The following UNC13C variants were observed in gnomAD, a reference collection of about 807,000 sequenced individuals.
UNC13C encodes protein unc-13 homolog C.
Under a neutral mutation model 245.4 loss-of-function variants are expected in UNC13C, and 174 were observed. The ratio of observed to expected loss-of-function variants is 0.71; its 90% confidence interval spans 0.63 to 0.80. The LOEUF is 0.80. Among genes scored for constraint, UNC13C ranks in the 30% least tolerant of loss-of-function variants. The probability of loss-of-function intolerance (pLI) is 0.00; values close to 1 mark genes in which losing one functional copy is unlikely to be tolerated. For synonymous variants in UNC13C, 992 were observed against 895.1 expected, an observed-to-expected ratio of 1.11 and a Z score of -1.93; for missense variants, 2,829 against 2,602.9, an observed-to-expected ratio of 1.09 and a Z score of -1.89.
At chr15:53,951,415 G>A in the UNC13C span, among the ~76,000 whole-genome samples, 1 of 152,224 alleles carries the variant, frequency 6.6e-6, no homozygotes, top group Admixed American at 6.5e-5. Flanking sequence ...GGCTGACCCA[G>A]GTTTGCCAGG....
intron 4 of UNC13C, among the ~76,000 whole-genome samples, chr15:54,198,687 C>T (rs776281874): frequency 3.3e-5 from 5 of 152,092 alleles, no homozygotes; most frequent in Non-Finnish European, 7.4e-5. Context: ...GGGAGCACTC[C>T]GTGGGACAAA....
chr15:53,999,112 A>G (rs1008034394), intron 1 of UNC13C, among the ~76,000 whole-genome samples: 1 of 152,018 alleles, frequency 6.6e-6, no homozygotes, highest in Non-Finnish European at 1.5e-5. Context: ...TTTGTGGCCA[A>G]ATAAAGCAAT....
At chr15:54,027,071 T>C (rs1167885226) in intron 2 of UNC13C, among the ~76,000 whole-genome samples, 4 of 151,728 alleles carry the variant, frequency 2.6e-5, no homozygotes, top group Admixed American at 2.6e-4. Flanking sequence ...ATGAATACAT[T>C]GAGCCAGGCT....
At chr15:54,236,196 G>T (rs1248020593) in intron 5 of UNC13C, among the ~76,000 whole-genome samples, 1 of 152,014 alleles carries the variant, frequency 6.6e-6, no homozygotes, top group African/African-American at 2.4e-5. Context: ...TTTTAATTTT[G>T]CTAAGAAAGC....
chr15:54,001,080 T>G (rs1227956706), intron 1 of UNC13C, among the ~76,000 whole-genome samples: 1 of 152,156 alleles, frequency 6.6e-6, no homozygotes, highest in African/African-American at 2.4e-5. Context: ...CTACTAACAT[T>G]TAGGTCAAGT....
At chr15:53,965,570 A>T in the UNC13C span, among the ~76,000 whole-genome samples, 1 of 133,392 alleles carries the variant, frequency 7.5e-6, no homozygotes, top group Non-Finnish European at 1.6e-5. Context: ...TTATTTATTT[A>T]TTATTATTAT....
intron 30 of UNC13C, among the ~76,000 whole-genome samples, chr15:54,620,513 T>C (rs1653517518): frequency 1.3e-5 from 2 of 152,140 alleles, no homozygotes; most frequent in Admixed American, 1.3e-4. Context: ...GTTCATACTG[T>C]ATTAGTTACT....
chr15:54,587,785 AAACATCTT>A (rs1898570295), intron 30 of UNC13C, among the ~76,000 whole-genome samples: 1 of 145,162 alleles, frequency 6.9e-6, no homozygotes, highest in Non-Finnish European at 1.5e-5. Context: ...CACAAACAGC[AAACATCTT>A]TTTACTTTAT....
the UNC13C span, among the ~76,000 whole-genome samples, chr15:53,876,344 G>A: frequency 3.9e-5 from 6 of 152,068 alleles, no homozygotes; most frequent in Non-Finnish European, 8.8e-5. Context: ...CTCAAAATCG[G>A]ACCTTCTCAT....
At chr15:54,118,702 G>A (rs2030450795) in intron 2 of UNC13C, among the ~76,000 whole-genome samples, 4 of 152,010 alleles carry the variant, frequency 2.6e-5, no homozygotes, top group African/African-American at 2.4e-5. Flanking sequence ...GTAAAAGTGG[G>A]CATCATTGTC....
At chr15:53,918,581 G>A in the UNC13C span, among the ~76,000 whole-genome samples, 32 of 152,296 alleles carry the variant, frequency 2.1e-4, no homozygotes, top group Admixed American at 1.2e-3. Context: ...GACAGCCAAG[G>A]CAGTGCTGAG....
rs564343183 is a variant in UNC13C at position 54,350,924 on chromosome 15, G to A, written c.4713+12435G>A. ...CTTCTTTATATTATAATACTATCAA[G>A]TAAGTTGTTTGGAACATATAATATT... On this transcript the variant is annotated intron_variant, in intron 17 of 32. Coordinates refer to ENST00000260323, the MANE Select transcript of UNC13C (RefSeq NM_001080534.3). Among the ~76,000 whole-genome samples, 5 of 152,254 alleles carry A rather than the reference G, an allele frequency of 3.3e-5. 2 individuals are homozygous for A. Among genetic ancestry groups the A allele is most frequent in the African/African-American group, 1.2e-4 (5 of 41,536 alleles).
intron 1 of UNC13C, among the ~76,000 whole-genome samples, chr15:53,986,817 G>A (rs1391463589): frequency 1.3e-5 from 2 of 151,952 alleles, no homozygotes; most frequent in South Asian, 4.1e-4. Context: ...AAAAAGCAAA[G>A]CCTGTTATAT....
chr15:53,925,214 G>A, the UNC13C span, among the ~76,000 whole-genome samples: 3 of 152,212 alleles, frequency 2.0e-5, no homozygotes, highest in African/African-American at 7.2e-5. Flanking sequence ...AATTACATGA[G>A]ATTCTTATTT....
chr15:54,169,428 C>A (rs1336971466), intron 4 of UNC13C, among the ~76,000 whole-genome samples: 1 of 152,168 alleles, frequency 6.6e-6, no homozygotes, highest in African/African-American at 2.4e-5. Flanking sequence ...TTGCCCATTA[C>A]TAACCATCTA....
intron 8 of UNC13C, among the ~76,000 whole-genome samples, chr15:54,263,430 T>C (rs1350736081): frequency 6.6e-6 from 1 of 152,124 alleles, no homozygotes; most frequent in Non-Finnish European, 1.5e-5. Context: ...GATCCAATAA[T>C]GGAATTTTAG....
the UNC13C span, among the ~76,000 whole-genome samples, chr15:53,944,616 T>G: frequency 6.6e-6 from 1 of 152,226 alleles, no homozygotes; most frequent in Non-Finnish European, 1.5e-5. Flanking sequence ...CTGTATAGTA[T>G]ATATGTACCA....
chr15:53,849,359 T>C, the UNC13C span, among the ~76,000 whole-genome samples: 1 of 152,054 alleles, frequency 6.6e-6, no homozygotes, highest in Admixed American at 6.5e-5. Flanking sequence ...GTATTATTTA[T>C]ATGTCTCTAT....
At chr15:53,894,169 C>A in the UNC13C span, among the ~76,000 whole-genome samples, 60 of 152,318 alleles carry the variant, frequency 3.9e-4, no homozygotes, top group African/African-American at 1.3e-3. Context: ...GTGGGTTGCA[C>A]CCACTGTCCA....
Sources: gnomAD v4.1 joint callset for allele counts (sites outside exome capture counted in the v4.1 genomes callset) on GRCh38, gnomAD v4.1.1 for gene constraint, MANE v1.5 for transcripts, NCBI Gene and HGNC (gene_info 2026-07-23, HGNC 2026-07-21) for gene names.